ZNF185: variants seen among roughly 807,000 people sequenced by gnomAD.
The protein encoded by ZNF185 is zinc finger protein 185.
A neutral mutation model predicts 58.6 loss-of-function variants in ZNF185; 56 were observed. The ratio of observed to expected loss-of-function variants is 0.95; its 90% CI spans 0.77 to 1.19. The LOEUF (loss-of-function observed/expected upper bound fraction) is 1.19, where lower values mean the gene tolerates loss of function less well. Ranked by LOEUF, ZNF185 falls within the 50% of genes most tolerant of loss-of-function variation. ZNF185 has a pLI of 0.00. For missense variants in ZNF185, 627 were observed against 573.5 expected, an observed-to-expected ratio of 1.09 and a Z score of -0.95; for synonymous variants, 230 against 215.9, an observed-to-expected ratio of 1.07 and a Z score of -0.57.
At chrX:152,918,515 G>A (rs1939004582) in intron 6 of ZNF185, among the ~76,000 whole-genome samples, 1 of 112,967 alleles carries the variant, frequency 8.9e-6, no homozygotes, top group African/African-American at 3.2e-5. Flanking sequence ...GCTCTGCCTG[G>A]CTGCACTGGG....
chrX:152,936,761 G>C (rs2046335383), intron 14 of ZNF185, among the ~76,000 whole-genome samples: 1 of 110,508 alleles, frequency 9.0e-6, no homozygotes, highest in Admixed American at 9.7e-5. Flanking sequence ...GACCCAAGCT[G>C]AGGTGGCAGA....
chrX:152,926,997 C>G (rs1940988257), intron 11 of ZNF185, among the ~76,000 whole-genome samples: 1 of 112,298 alleles, frequency 8.9e-6, no homozygotes, highest in African/African-American at 3.2e-5. Context: ...TTCGCGCAGC[C>G]GTCTTCCCTC....
the ZNF185 span, among the ~76,000 whole-genome samples, chrX:152,906,723 T>G: frequency 1.8e-5 from 2 of 111,367 alleles, no homozygotes; most frequent in African/African-American, 6.5e-5. Flanking sequence ...TCTGCTCAGC[T>G]CCTGGATGCA....
exon 6 of ZNF185, chrX:152,918,075 C>T (rs782178857): frequency 5.1e-6 from 6 of 1,187,141 alleles, no homozygotes; most frequent in Admixed American, 2.4e-5. Context: ...TGCTGCCAGT[C>T]TGGTGAGAAC....
the ZNF185 span, among the ~76,000 whole-genome samples, chrX:152,903,376 CGAGACTCGTCTCAAAAA>C: frequency 1.5e-4 from 10 of 67,493 alleles, no homozygotes; most frequent in Non-Finnish European, 2.0e-4. Flanking sequence ...GGTGACAGAG[CGAGACTCGTCTCAAAAA>C]AAAAAAAAAA....
intron 12 of ZNF185, 45 bp from the exon 14 acceptor site, chrX:152,931,627 G>A (rs1941996793): frequency 4.5e-6 from 5 of 1,115,379 alleles, no homozygotes; most frequent in Non-Finnish European, 6.1e-6. Flanking sequence ...ACACCTGAGT[G>A]TGAATGGCTG....
At chrX:152,898,672 C>T in the ZNF185 span, among the ~76,000 whole-genome samples, 1 of 112,607 alleles carries the variant, frequency 8.9e-6, no homozygotes, top group East Asian at 2.8e-4. Flanking sequence ...CAGAGGATCC[C>T]CTCAATCGCC....
intron 3 of ZNF185, 55 bp downstream of exon 4, chrX:152,915,258 C>G: frequency 1.7e-6 from 2 of 1,154,643 alleles, no homozygotes; most frequent in Non-Finnish European, 1.2e-6. Flanking sequence ...TCTCCTGCAG[C>G]TTGGGGCCAG....
chrX:152,967,302 TC>T (rs1215470596), intron 20 of ZNF185, 64 bp downstream of exon 22: 42 of 1,064,400 alleles, frequency 3.9e-5, no homozygotes, highest in Non-Finnish European at 5.3e-5. Flanking sequence ...AAGGGAGAGT[TC>T]CTGCTGAGTC....
intron 16 of ZNF185, 143 bp downstream of exon 18, chrX:152,945,607 A>ATGG (rs200276869): frequency 0.28 from 188,438 of 665,984 alleles, 19,819 homozygotes; most frequent in South Asian, 0.42. Flanking sequence ...TGAGTGGGTC[A>ATGG]TGGTGATTCC....
chrX:152,938,080 T>C (rs1294174905), exon 15 of ZNF185: 1 of 1,176,581 alleles, frequency 8.5e-7, no homozygotes, highest in Non-Finnish European at 1.1e-6. Flanking sequence ...TCAGCTCCAG[T>C]GCCACTTCAG....
chrX:152,951,903 A>T (rs1556900401), intron 16 of ZNF185, among the ~76,000 whole-genome samples: 1 of 112,329 alleles, frequency 8.9e-6, no homozygotes, highest in African/African-American at 3.2e-5. Context: ...TAATGAATTT[A>T]GTTAACTTAA....
upstream of ZNF185, among the ~76,000 whole-genome samples, chrX:152,912,138 T>G (rs556717131): frequency 9.0e-6 from 1 of 111,454 alleles, no homozygotes; most frequent in South Asian, 3.8e-4. Context: ...TTCTGACTCT[T>G]TCATATTTAT....
intron 20 of ZNF185, among the ~76,000 whole-genome samples, chrX:152,968,340 C>T (rs1556916253): frequency 8.9e-6 from 1 of 112,732 alleles, no homozygotes; most frequent in Admixed American, 9.3e-5. Flanking sequence ...AGGGACCCCC[C>T]TTTCCATTGC....
chrX:152,901,268 G>C, the ZNF185 span, among the ~76,000 whole-genome samples: 1 of 102,038 alleles, frequency 9.8e-6, no homozygotes, highest in East Asian at 3.0e-4. Flanking sequence ...TAGAGCTGGG[G>C]TCTCGCCTTG....
At chrX:152,941,718 C>G (rs2047211203) in intron 15 of ZNF185, 1 of 1,164,412 alleles carries the variant, frequency 8.6e-7, no homozygotes, top group Non-Finnish European at 1.1e-6. Flanking sequence ...AATGGCCGCC[C>G]GGGACGAGCT....
At chrX:152,950,955 T>C (rs1187363543) in intron 16 of ZNF185, among the ~76,000 whole-genome samples, 5 of 112,079 alleles carry the variant, frequency 4.5e-5, no homozygotes, top group African/African-American at 1.6e-4. Context: ...AAGGACATAA[T>C]AAACTGAACA....
chrX:152,973,139 T>C (rs781968972), exon 23 of ZNF185: 16 of 111,513 alleles, frequency 1.4e-4, no homozygotes, highest in Non-Finnish European at 2.8e-4. Flanking sequence ...AGTCACCCCG[T>C]TGGTGAGAGG....
At chrX:152,935,930 C>T (rs1253397108) in intron 14 of ZNF185, among the ~76,000 whole-genome samples, 3 of 111,752 alleles carry the variant, frequency 2.7e-5, no homozygotes, top group Non-Finnish European at 5.6e-5. Context: ...AAGACATTCC[C>T]CACTAAATCC....
Sources: allele counts gnomAD v4.1 joint callset (sites outside exome capture counted in the v4.1 genomes callset), GRCh38; gene constraint gnomAD v4.1.1; transcripts MANE v1.5; gene names NCBI Gene and HGNC (gene_info 2026-07-23, HGNC 2026-07-21).